The following PTPRR variants were observed in gnomAD, a reference collection of about 807,000 sequenced individuals.
The protein encoded by PTPRR is receptor-type tyrosine-protein phosphatase R.
In PTPRR, 38 loss-of-function variants were observed where a neutral mutation model predicts 77.2. The observed-to-expected ratio is 0.49, with a 90% CI of 0.38 to 0.65. The LOEUF is 0.65. Among genes scored for constraint, PTPRR ranks in the 30% least tolerant of loss-of-function variants. PTPRR has a pLI of 0.00. For missense variants in PTPRR, 744 were observed against 799.2 expected (o/e 0.93, Z 0.83); for synonymous variants, 299 against 283.1 (o/e 1.06, Z -0.57).
At chr12:70,800,833 T>G (rs1891602145) in intron 2 of PTPRR, among the ~76,000 whole-genome samples, 1 of 151,772 alleles carries the variant, frequency 6.6e-6, no homozygotes, top group African/African-American at 2.4e-5. Context: ...TGGCGGAGGT[T>G]GTAGTGAGCT....
At chr12:70,668,465 A>G (rs957323222) in intron 10 of PTPRR, among the ~76,000 whole-genome samples, 3 of 152,174 alleles carry the variant, frequency 2.0e-5, no homozygotes, top group African/African-American at 7.2e-5. Flanking sequence ...CAACAGTCCA[A>G]TTTCTGAGCT....
chr12:70,859,752 TG>T (rs1164202286), intron 2 of PTPRR, among the ~76,000 whole-genome samples: 3 of 152,038 alleles, frequency 2.0e-5, no homozygotes, highest in Non-Finnish European at 4.4e-5. Context: ...ACCAAGATCC[TG>T]GCACTGGGTA....
Position 70,711,955 on chromosome 12 carries a change from C to A in PTPRR, c.1008-10632G>T, listed in dbSNP as rs1888842603. On this transcript the variant is annotated intron_variant, in intron 6 of 13. Transcript: ENST00000283228. Reference sequence around the variant, plus strand: ...AACAGTAAGTTATTTAAATATACATCTCTGTGTTTGTTCAGTGTTCATTTA... The same window carrying A: ...AACAGTAAGTTATTTAAATATACATATCTGTGTTTGTTCAGTGTTCATTTA... Among the ~76,000 whole-genome samples the A allele has an allele frequency of 2.0e-5, 3 of 152,118 alleles. No individual in the cohort carries two copies. The South Asian group carries it at 6.2e-4, about 32-fold the overall frequency.
chr12:70,794,441 G>A (rs1891475482), intron 2 of PTPRR, among the ~76,000 whole-genome samples: 2 of 152,184 alleles, frequency 1.3e-5, no homozygotes, highest in African/African-American at 4.8e-5. Flanking sequence ...GGAATTTAAG[G>A]ACAATAAACT....
chr12:70,704,138 T>C (rs1220801656), intron 6 of PTPRR, among the ~76,000 whole-genome samples: 1 of 152,018 alleles, frequency 6.6e-6, no homozygotes, highest in Non-Finnish European at 1.5e-5. Flanking sequence ...AGCCCAAAAA[T>C]AGTCCAGGGA....
At chr12:70,757,054 T>C (rs981711263) in intron 4 of PTPRR, among the ~76,000 whole-genome samples, 3 of 152,218 alleles carry the variant, frequency 2.0e-5, no homozygotes, top group Non-Finnish European at 2.9e-5. Context: ...TTCTGAATGG[T>C]CGAATACAGG....
chr12:70,668,706 A>G lies in PTPRR; in HGVS notation c.1498-6101T>C, dbSNP rs117208720. ...AATTTACATATCTATTGAGTAGCCA[A>G]TCTTTCTATCTGAATGAATGCACAT... On this transcript the variant is annotated intron_variant, in intron 10 of 13. Coordinates refer to ENST00000283228, the MANE Select transcript of PTPRR (RefSeq NM_002849.4). Among the ~76,000 whole-genome samples the G allele has an allele frequency of 1.8e-3, 271 of 152,302 alleles. 6 individuals carry two copies. In the East Asian group the frequency reaches 0.049, roughly 27 times the overall value.
intron 6 of PTPRR, among the ~76,000 whole-genome samples, chr12:70,736,377 AT>A (rs1368305951): frequency 1.3e-5 from 2 of 152,110 alleles, no homozygotes; most frequent in African/African-American, 4.8e-5. Flanking sequence ...AAATATACTG[AT>A]TTGTAGTTTA....
At chr12:70,760,154 T>C (rs1592738738) in intron 4 of PTPRR, among the ~76,000 whole-genome samples, 1 of 152,202 alleles carries the variant, frequency 6.6e-6, no homozygotes, top group East Asian at 1.9e-4. Flanking sequence ...TGTGTGAGAA[T>C]TTCTGCATAT....
chr12:70,698,123 T>C, intron 8 of PTPRR, 142 bp downstream of exon 8: 1 of 537,874 alleles, frequency 1.9e-6, no homozygotes, highest in Non-Finnish European at 3.3e-6. Flanking sequence ...AATGTGCAGG[T>C]TTGTTACATA....
intron 1 of PTPRR, among the ~76,000 whole-genome samples, chr12:70,910,002 C>A (rs923169863): frequency 1.3e-5 from 2 of 151,956 alleles, no homozygotes; most frequent in Admixed American, 1.3e-4. Flanking sequence ...TTGGGACATG[C>A]TTATTTGATC....
chr12:70,920,726 G>A lies in PTPRR; in HGVS notation c.-336C>T, dbSNP rs1422487061. The stretch of plus-strand genomic sequence containing the variant: ...CCCAGCAGCCCAGCAGCAGCGCCGC[G>A]GCTACTGAGCATGCCCAGCGCCGGC... On this transcript the variant is annotated 5_prime_UTR_variant, in exon 1 of 14. Transcript: ENST00000283228. The A allele has an allele frequency of 1.7e-5, 5 of 297,168 alleles. No individual in the cohort carries two copies. The highest frequency in any genetic ancestry group is 2.7e-5 in the Non-Finnish European group (4 of 148,740). The allele number at this position is 297,168 out of a possible 1,614,324, so 18.4% of individuals were successfully genotyped here.
At chr12:70,901,094 A>G (rs1893526369) in intron 1 of PTPRR, among the ~76,000 whole-genome samples, 1 of 151,526 alleles carries the variant, frequency 6.6e-6, no homozygotes, top group African/African-American at 2.4e-5. Context: ...TTTGAGCATC[A>G]TGTTGGTATG....
At chr12:70,707,054 G>C (rs1362055949) in intron 6 of PTPRR, among the ~76,000 whole-genome samples, 1 of 152,082 alleles carries the variant, frequency 6.6e-6, no homozygotes, top group East Asian at 1.9e-4. Flanking sequence ...ATTTGAGGGA[G>C]GTAAAGTTGA....
At chr12:70,801,155 AAC>A (rs1284945498) in intron 2 of PTPRR, among the ~76,000 whole-genome samples, 1 of 152,210 alleles carries the variant, frequency 6.6e-6, no homozygotes, top group Non-Finnish European at 1.5e-5. Flanking sequence ...TAATTGTACA[AAC>A]TAGGCAGTTC....
At chr12:70,865,219 G>C (rs1464555792) in intron 2 of PTPRR, among the ~76,000 whole-genome samples, 1 of 115,962 alleles carries the variant, frequency 8.6e-6, no homozygotes, top group African/African-American at 2.6e-5. Context: ...ATGATCGTGA[G>C]GCCTCCCCAG....
At chr12:70,761,738 A>G (rs548325267) in intron 3 of PTPRR, 112 bp from the exon 4 acceptor site, 1 of 836,352 alleles carries the variant, frequency 1.2e-6, no homozygotes, top group African/African-American at 1.7e-5. Flanking sequence ...AGAATCCTAA[A>G]AGGCTTTGTG....
At chr12:70,778,206 T>A (rs1254021360) in intron 2 of PTPRR, among the ~76,000 whole-genome samples, 16 of 152,004 alleles carry the variant, frequency 1.1e-4, no homozygotes, top group Admixed American at 6.6e-5. Context: ...TCTTTATTTC[T>A]ATTTTTTTTT....
At chr12:70,664,623 A>G (rs1338280074) in intron 10 of PTPRR, 1 of 152,200 alleles carries the variant, frequency 6.6e-6, no homozygotes, top group Non-Finnish European at 1.5e-5. Context: ...CCTGACTCTT[A>G]ATACTTGCAC....
Sources: gnomAD v4.1 joint callset for allele counts (sites outside exome capture counted in the v4.1 genomes callset) on GRCh38, gnomAD v4.1.1 for gene constraint, MANE v1.5 for transcripts, NCBI Gene and HGNC (gene_info 2026-07-23, HGNC 2026-07-21) for gene names.